Variants in UBE3A observed in about 807,000 individuals in gnomAD.
The protein encoded by UBE3A is ubiquitin protein ligase E3A, also known as ubiquitin-protein ligase E3A.
A neutral mutation model predicts 83.4 loss-of-function variants in UBE3A; 6 were observed. The ratio of observed to expected loss-of-function variants is 0.07; its 90% confidence interval spans 0.04 to 0.14. The LOEUF is 0.14. UBE3A is among the 10% of genes least tolerant of loss of function. The pLI is 1.00. For missense variants in UBE3A, 456 were observed against 1,036.1 expected, an observed-to-expected ratio of 0.44 and a Z score of 7.69; for synonymous variants, 337 against 355.4, an observed-to-expected ratio of 0.95 and a Z score of 0.58.
intron 5 of UBE3A, chr15:25,374,785 T>C (rs1334622219): frequency 6.5e-6 from 1 of 152,682 alleles, no homozygotes; most frequent in African/African-American, 2.4e-5. Flanking sequence ...TAAGCCCTGG[T>C]AGTCATTCAA....
chr15:25,406,712 A>G (rs8032608), intron 3 of UBE3A, among the ~76,000 whole-genome samples: 7 of 127,842 alleles, frequency 5.5e-5, no homozygotes, highest in African/African-American at 1.4e-4. Context: ...ACACACACAC[A>G]CACGCACACA....
At chr15:25,374,295 G>C (rs2080821201) in intron 5 of UBE3A, 1 of 152,252 alleles carries the variant, frequency 6.6e-6, no homozygotes, top group African/African-American at 2.4e-5. Context: ...CTAAGATGGA[G>C]CACGTGGCCA....
At chr15:25,356,989 TAAAA>T in intron 7 of UBE3A, 93 bp from the exon 8 acceptor site, 1 of 1,020,324 alleles carries the variant, frequency 9.8e-7, no homozygotes, top group Non-Finnish European at 1.5e-6. Context: ...ATTATGCATA[TAAAA>T]CATTTAAAAT....
chr15:25,354,605 G>C lies in UBE3A; in HGVS notation c.2203C>G (p.His735Asp), dbSNP rs758306494. 1 of 1,613,794 alleles carries C rather than the reference G, an allele frequency of 6.2e-7. No individual in the cohort carries two copies. Among genetic ancestry groups the C allele is most frequent in the South Asian group, 1.1e-5 (1 of 91,078 alleles). The change falls in exon 10 of 13, where the codon CAT becomes GAT. Residue 735 changes from histidine (H) to aspartate (D), a missense_variant. His to Asp is a moderately conservative substitution (Grantham distance 81). Around this residue, in one of 13 missense-constraint regions of UBE3A, gnomAD observed 82 missense variants for 199.3 expected, o/e 0.41. Transcript: ENST00000648336. The stretch of plus-strand genomic sequence containing the variant: ...AAGGGAGATTCATTGGTCACCATAT[G>C]AAAACCTCTCCGAAAAGCCTTGAAC... ...KQFKAFRRGF[H>D]MVTNESPLKY... is the part of the protein sequence containing the mutation.
chr15:25,346,443 A>G (rs2075705810), intron 11 of UBE3A: 1 of 149,046 alleles, frequency 6.7e-6, no homozygotes, highest in Non-Finnish European at 1.5e-5. Context: ...TTTAAAAAGT[A>G]CAGAGTCTCC....
At chr15:25,413,905 C>G (rs2090433711) in intron 1 of UBE3A, among the ~76,000 whole-genome samples, 1 of 152,126 alleles carries the variant, frequency 6.6e-6, no homozygotes, top group Non-Finnish European at 1.5e-5. Context: ...GCAATAAGGT[C>G]TTCTGCTAGT....
Position 25,375,520 on chromosome 15 carries a change from G to A in UBE3A, c.306C>T (p.Asn102=). 6.2e-7 allele frequency: 1 copy of A among 1,614,178 alleles called. No homozygotes were observed. The highest frequency in any genetic ancestry group is 8.5e-7 in the Non-Finnish European group (1 of 1,180,036). The change falls in exon 5 of 13, where the codon AAC becomes AAT. Residue 102 remains asparagine (N), a synonymous_variant. Transcript: ENST00000648336. Reference sequence around the variant, plus strand: ...TCATTTTTATCTCAGAGCAGGAGTTGTTGGGGGCACCTTTCGAGTTCTCAA... The same window carrying A: ...TCATTTTTATCTCAGAGCAGGAGTTATTGGGGGCACCTTTCGAGTTCTCAA... The part of the protein sequence containing the change: ...AYLENSKGAP[N]NSCSEIKMNK...
chr15:25,362,757 C>T (rs1056123452), intron 6 of UBE3A, among the ~76,000 whole-genome samples: 46 of 152,154 alleles, frequency 3.0e-4, no homozygotes, highest in Admixed American at 3.0e-3. Context: ...GGCCAACATT[C>T]CATATTGCCA....
At chr15:25,355,769 T>C (rs1241798249) in intron 9 of UBE3A, 123 bp downstream of exon 9, 19 of 1,010,522 alleles carry the variant, frequency 1.9e-5, no homozygotes, top group Non-Finnish European at 2.6e-5. Context: ...AGCATTTACA[T>C]AAACTTAGTT....
At chr15:25,432,612 C>G (rs1397653149) in intron 1 of UBE3A, among the ~76,000 whole-genome samples, 1 of 152,122 alleles carries the variant, frequency 6.6e-6, no homozygotes, top group Non-Finnish European at 1.5e-5. Flanking sequence ...AGACATGGGT[C>G]AAAAAATTTT....
intron 7 of UBE3A, among the ~76,000 whole-genome samples, chr15:25,359,609 G>A (rs903108264): frequency 6.6e-6 from 1 of 152,074 alleles, no homozygotes; most frequent in African/African-American, 2.4e-5. Flanking sequence ...ACCTTTTCCT[G>A]TAATTGTCAT....
chr15:25,368,404 A>G (rs1254034248), intron 6 of UBE3A, among the ~76,000 whole-genome samples: 1 of 152,140 alleles, frequency 6.6e-6, no homozygotes, highest in African/African-American at 2.4e-5. Context: ...AAGAAAAGGA[A>G]GAAAAAGCAA....
chr15:25,341,942 G>A (rs1401098108), intron 11 of UBE3A, among the ~76,000 whole-genome samples: 1 of 152,040 alleles, frequency 6.6e-6, no homozygotes, highest in African/African-American at 2.4e-5. Flanking sequence ...CCATTTATCT[G>A]AAATAACTTA....
chr15:25,397,470 C>G (rs1027388526), intron 4 of UBE3A, among the ~76,000 whole-genome samples: 1 of 152,088 alleles, frequency 6.6e-6, no homozygotes, highest in African/African-American at 2.4e-5. Context: ...TCTAGAAACC[C>G]AGAGGCTTTC....
intron 11 of UBE3A, chr15:25,353,968 A>C: frequency 3.9e-6 from 1 of 253,936 alleles, no homozygotes; most frequent in East Asian, 9.7e-5. Context: ...TTTCACTCAA[A>C]AAGTGCTTGA....
At chr15:25,398,194 C>CACA (rs1182461530) in intron 4 of UBE3A, among the ~76,000 whole-genome samples, 3 of 122,084 alleles carry the variant, frequency 2.5e-5, no homozygotes, top group Non-Finnish European at 3.4e-5. Context: ...AAAAAAAACA[C>CACA]AAAAAACAAA....
At chr15:25,354,800 T>TA (rs1316820058) in intron 9 of UBE3A, 117 bp from the exon 10 acceptor site, 14 of 1,010,670 alleles carry the variant, frequency 1.4e-5, no homozygotes, top group Non-Finnish European at 1.9e-5. Flanking sequence ...AGAATATTCT[T>TA]AAAAATTCAA....
At chr15:25,358,528 G>A (rs1466471738) in intron 7 of UBE3A, among the ~76,000 whole-genome samples, 1 of 152,100 alleles carries the variant, frequency 6.6e-6, no homozygotes, top group African/African-American at 2.4e-5. Flanking sequence ...AGTTGCTACT[G>A]TGAAACAATG....
In UBE3A at chr15:25,370,983, G is replaced by A; in HGVS notation, c.1191C>T (p.Pro397=). 1 of 1,613,944 alleles carries A rather than the reference G, an allele frequency of 6.2e-7. No individual in the cohort carries two copies. Among genetic ancestry groups the A allele is most frequent in the Non-Finnish European group, 8.5e-7 (1 of 1,179,974 alleles). The stretch of plus-strand genomic sequence containing the variant: ...GTGTCAGCTCGCTGGACTCAGGGAT[G>A]GGCTCTTCATCATCTTCTTCATTGT... ...TNHNEEDDEE[P]IPESSELTLQ... is the part of the protein sequence containing the mutation. The change falls in exon 6 of 13, where the codon CCC becomes CCT. Residue 397 remains proline, a synonymous_variant. Coordinates refer to ENST00000648336, the MANE Select transcript of UBE3A (RefSeq NM_130839.5). The surrounding 1 kb of genome is among the most constrained non-coding windows in gnomAD (Gnocchi z 4.2).
Sources: allele counts gnomAD v4.1 joint callset (sites outside exome capture counted in the v4.1 genomes callset), GRCh38; gene constraint gnomAD v4.1.1; regional missense constraint gnomAD v4.1.1; non-coding constraint Gnocchi (gnomAD v3.1); transcripts MANE v1.5; gene names NCBI Gene and HGNC (gene_info 2026-07-23, HGNC 2026-07-21).